Variants in CLVS2 observed in about 807,000 individuals in gnomAD.
CLVS2 encodes clavesin-2.
A neutral mutation model predicts 29.0 loss-of-function variants in CLVS2; 19 were observed. The ratio of observed to expected loss-of-function variants is 0.66; its 90% confidence interval spans 0.46 to 0.96. The LOEUF is 0.96. Among genes scored for constraint, CLVS2 ranks in the 40% least tolerant of loss-of-function variants. CLVS2 has a pLI of 0.00. For synonymous variants in CLVS2, 161 were observed against 151.3 expected (o/e 1.06, Z -0.47); for missense variants, 294 against 404.1 (o/e 0.73, Z 2.34).
chr6:123,063,594 G>A (rs1021130026), intron 5 of CLVS2, 80 bp from the exon 6 acceptor site: 7 of 770,826 alleles, frequency 9.1e-6, no homozygotes, highest in Admixed American at 2.1e-5. Flanking sequence ...CCTGGGAGAA[G>A]TAATGACAAA....
chr6:123,051,218 CA>C (rs1196338658), intron 4 of CLVS2, among the ~76,000 whole-genome samples: 1 of 152,066 alleles, frequency 6.6e-6, no homozygotes, highest in African/African-American at 2.4e-5. Flanking sequence ...TCTTTTTCTA[CA>C]AACTCAGGTG....
rs557410060 is a variant in CLVS2 at position 123,065,095 on chromosome 6, A to G, written c.*1334A>G. 4.6e-5 allele frequency: 7 copies of G among 151,864 alleles called. No homozygotes were observed. Among genetic ancestry groups the G allele is most frequent in the Non-Finnish European group, 1.0e-4 (7 of 67,844 alleles). The allele number at this position is 151,864 out of a possible 1,614,324, so 9.4% of individuals were successfully genotyped here. ...CATTATATTCAGGAGATATAATGAA[A>G]TTATTGGAAGGCATCTATGACAACA... On this transcript the variant is annotated 3_prime_UTR_variant, in exon 6 of 6. Coordinates refer to ENST00000275162, the MANE Select transcript of CLVS2 (RefSeq NM_001010852.4).
intron 3 of CLVS2, among the ~76,000 whole-genome samples, chr6:123,046,784 T>A (rs967274429): frequency 1.3e-5 from 2 of 152,194 alleles, no homozygotes; most frequent in African/African-American, 4.8e-5. Context: ...TTTTTAAAGA[T>A]CTTTTTGCCA....
chr6:123,021,316 G>T (rs757389673), intron 3 of CLVS2, among the ~76,000 whole-genome samples: 2 of 151,962 alleles, frequency 1.3e-5, no homozygotes, highest in African/African-American at 2.4e-5. Flanking sequence ...GTAGGTAGCT[G>T]AAATCTCTCT....
At position 123,011,127 on chromosome 6, in the gene CLVS2, A is replaced by T; in HGVS notation, c.532A>T (p.Ser178Cys). 6.3e-7 allele frequency: 1 copy of T among 1,598,672 alleles called. No homozygotes were observed. The highest frequency in any genetic ancestry group is 8.5e-7 in the Non-Finnish European group (1 of 1,171,544). ...CAAGCAAGCCTCTAAACTCACACCA[A>T]GTATGCTGCGATTAGCTATTGAAGG... ...TFKQASKLTP[S>C]MLRLAIEGLQ... is the part of the protein sequence containing the mutation. Residue 178 changes from serine to cysteine, a missense_variant, in exon 3 of 6, where the codon AGT (serine) becomes TGT (cysteine). Around this residue, in one of 2 missense-constraint regions of CLVS2, gnomAD observed 212 missense variants for 336.4 expected, o/e 0.63. Transcript: ENST00000275162.
At chr6:123,044,097 G>A (rs1056241706) in intron 3 of CLVS2, among the ~76,000 whole-genome samples, 6 of 152,196 alleles carry the variant, frequency 3.9e-5, no homozygotes, top group Middle Eastern at 3.2e-3. Flanking sequence ...AAACAAAGGA[G>A]TGGAAGCAGG....
chr6:123,042,027 A>G (rs762138093), intron 3 of CLVS2, among the ~76,000 whole-genome samples: 1 of 152,174 alleles, frequency 6.6e-6, no homozygotes. Flanking sequence ...CATTTTAATC[A>G]CTATTTTAAG....
At chr6:123,008,355 G>C (rs1774700383) in intron 2 of CLVS2, among the ~76,000 whole-genome samples, 1 of 151,862 alleles carries the variant, frequency 6.6e-6, no homozygotes, top group East Asian at 1.9e-4. Flanking sequence ...TATTTCCTTT[G>C]GAATAATGAT....
chr6:123,042,400 A>C (rs2114347495), intron 3 of CLVS2, among the ~76,000 whole-genome samples: 1 of 152,252 alleles, frequency 6.6e-6, no homozygotes, highest in East Asian at 1.9e-4. Flanking sequence ...GCTTCTACAC[A>C]ATTCCTTGCA....
intron 3 of CLVS2, among the ~76,000 whole-genome samples, chr6:123,033,668 A>T (rs536739025): frequency 1.3e-5 from 2 of 152,062 alleles, no homozygotes; most frequent in Non-Finnish European, 2.9e-5. Flanking sequence ...GAGTTCTTAG[A>T]CTTGGTGCCC....
intron 3 of CLVS2, among the ~76,000 whole-genome samples, chr6:123,034,556 A>T (rs1182321289): frequency 6.6e-6 from 1 of 152,144 alleles, no homozygotes; most frequent in Non-Finnish European, 1.5e-5. Flanking sequence ...ATTACTAGGG[A>T]TTAGGAATTG....
intron 4 of CLVS2, among the ~76,000 whole-genome samples, chr6:123,053,744 G>A (rs1000244058): frequency 2.0e-5 from 3 of 152,156 alleles, no homozygotes; most frequent in Non-Finnish European, 2.9e-5. Flanking sequence ...TGTCTGTGTG[G>A]GGGGCGTGGA....
chr6:123,053,457 AT>A (rs1235278566), intron 4 of CLVS2, among the ~76,000 whole-genome samples: 1 of 152,212 alleles, frequency 6.6e-6, no homozygotes, highest in Non-Finnish European at 1.5e-5. Flanking sequence ...AAATGTTTCA[AT>A]AAACAGAGTC....
At position 123,029,018 on chromosome 6, in the gene CLVS2, A is replaced by T. The variant is rs73769346; in HGVS notation, c.564+17859A>T. Among the ~76,000 whole-genome samples, 297 of 152,290 alleles carry T rather than the reference A, an allele frequency of 2.0e-3. 1 individual carries two copies. Among genetic ancestry groups the T allele is most frequent in the African/African-American group, 6.9e-3 (285 of 41,576 alleles). ...GTGCTCTTGTAAGGAGAGACACACA[A>T]GAAAGTTTGCTTTATCTTTCTCTGT... On this transcript the variant is annotated intron_variant, in intron 3 of 5. Coordinates refer to ENST00000275162, the MANE Select transcript of CLVS2 (RefSeq NM_001010852.4).
intron 3 of CLVS2, among the ~76,000 whole-genome samples, chr6:123,019,245 G>A (rs781455411): frequency 2.6e-5 from 4 of 152,012 alleles, no homozygotes; most frequent in Admixed American, 2.6e-4. Flanking sequence ...AGGACGAGGA[G>A]GAATGGGTGG....
chr6:123,048,636 G>A lies in CLVS2; in HGVS notation c.579G>A (p.Ala193=), dbSNP rs369441088. The A allele has an allele frequency of 9.3e-5, 150 of 1,611,182 alleles. 1 individual carries two copies. In the Middle Eastern group the frequency reaches 7.4e-3, roughly 80 times the overall value. Residue 193 remains alanine (A), a synonymous_variant, in exon 4 of 6, where the codon GCG becomes GCA. Coordinates refer to ENST00000275162, the MANE Select transcript of CLVS2 (RefSeq NM_001010852.4). Reference sequence around the variant, plus strand: ...TGTTACTCTAGGATAGTTTCCCAGCGCGATTTGGAGGAATTCATTTTGTCA... The same window carrying A: ...TGTTACTCTAGGATAGTTTCCCAGCACGATTTGGAGGAATTCATTTTGTCA... ...AIEGLQDSFP[A]RFGGIHFVNQ... is the part of the protein sequence containing the mutation.
intron 5 of CLVS2, among the ~76,000 whole-genome samples, chr6:123,060,611 C>G (rs1014846528): frequency 6.6e-6 from 1 of 152,236 alleles, no homozygotes; most frequent in East Asian, 1.9e-4. Flanking sequence ...CCACATGTTG[C>G]ATAACTACAA....
At chr6:123,026,044 A>T (rs2114327437) in intron 3 of CLVS2, among the ~76,000 whole-genome samples, 1 of 152,188 alleles carries the variant, frequency 6.6e-6, no homozygotes, top group East Asian at 1.9e-4. Flanking sequence ...CATAGTAGGC[A>T]TATAGTAAGG....
At chr6:123,033,932 G>A (rs1262202554) in intron 3 of CLVS2, among the ~76,000 whole-genome samples, 1 of 152,094 alleles carries the variant, frequency 6.6e-6, no homozygotes, top group Non-Finnish European at 1.5e-5. Context: ...CCAAGGAAGA[G>A]ACACAGATGG....
Sources: allele counts gnomAD v4.1 joint callset (sites outside exome capture counted in the v4.1 genomes callset), GRCh38; gene constraint gnomAD v4.1.1; regional missense constraint gnomAD v4.1.1; transcripts MANE v1.5; gene names NCBI Gene and HGNC (gene_info 2026-07-23, HGNC 2026-07-21).